Variants in RAB43 observed in about 807,000 individuals in gnomAD.
The protein encoded by RAB43 is RAB43, member RAS oncogene family, also known as ras-related protein Rab-43.
Under a neutral mutation model 18.8 loss-of-function variants are expected in RAB43, and 6 were observed. The observed-to-expected ratio is 0.32, with a 90% confidence interval of 0.17 to 0.63. RAB43 has a LOEUF of 0.63. Among genes scored for constraint, RAB43 ranks in the 30% least tolerant of loss-of-function variants. The probability of loss-of-function intolerance (pLI) is 0.79; values close to 1 mark genes in which losing one functional copy is unlikely to be tolerated. For synonymous variants in RAB43, 103 were observed against 124.1 expected (o/e 0.83, Z 1.13); for missense variants, 195 against 289.1 (o/e 0.67, Z 2.36).
intron 1 of RAB43, among the ~76,000 whole-genome samples, chr3:129,108,243 C>T (rs1934913974): frequency 6.6e-6 from 1 of 152,196 alleles, no homozygotes; most frequent in Non-Finnish European, 1.5e-5. Context: ...CTCCACAGAA[C>T]TCAGCACACC....
intron 1 of RAB43, among the ~76,000 whole-genome samples, chr3:129,100,566 A>G (rs1934352566): frequency 6.6e-6 from 1 of 152,200 alleles, no homozygotes; most frequent in Non-Finnish European, 1.5e-5. Flanking sequence ...TAAATGAAAA[A>G]CCAACAAAAT....
chr3:129,108,083 C>T (rs997461418), intron 1 of RAB43, among the ~76,000 whole-genome samples: 5 of 152,244 alleles, frequency 3.3e-5, no homozygotes, highest in African/African-American at 1.2e-4. Context: ...CTCCTCCCTC[C>T]CAGGGCCACA....
intron 1 of RAB43, among the ~76,000 whole-genome samples, chr3:129,102,482 T>C (rs1452881466): frequency 6.6e-6 from 1 of 151,624 alleles, no homozygotes; most frequent in East Asian, 1.9e-4. Flanking sequence ...TACAAAAAAT[T>C]AGCTGGGCGT....
intron 1 of RAB43, among the ~76,000 whole-genome samples, chr3:129,096,122 T>C (rs1934035093): frequency 6.6e-6 from 1 of 152,214 alleles, no homozygotes; most frequent in Non-Finnish European, 1.5e-5. Context: ...TCAGCCCCCT[T>C]TGCAGGCACA....
rs763902716 is a variant in RAB43, at chr3:129,121,454, G to C, written c.36C>G (p.Asp12Glu). 9.3e-6 allele frequency: 15 copies of C among 1,612,726 alleles called. No individual in the cohort carries two copies. Among genetic ancestry groups the C allele is most frequent in the Non-Finnish European group, 1.2e-5 (14 of 1,179,482 alleles). ...AGPGPGPGDPDEQYDFLFKLV... is the reference protein window; with the variant it reads ...AGPGPGPGDPEEQYDFLFKLV... Reference sequence around the variant, plus strand: ...GCTTGAACAGGAAATCGTACTGCTCGTCCGGGTCCCCCGGGCCTGGGCCCG... The same window carrying C: ...GCTTGAACAGGAAATCGTACTGCTCCTCCGGGTCCCCCGGGCCTGGGCCCG... The change falls in exon 1 of 3, where the codon GAC becomes GAG. Residue 12 changes from aspartate to glutamate, a missense_variant. Physicochemically the swap from Asp to Glu is conservative, Grantham distance 45 (BLOSUM62 2). Transcript: ENST00000315150.
chr3:129,117,946 A>G (rs184836462), intron 1 of RAB43, among the ~76,000 whole-genome samples: 16 of 152,338 alleles, frequency 1.1e-4, no homozygotes, highest in Admixed American at 9.8e-4. Flanking sequence ...CTTACCTTCT[A>G]TAGGGGCAGA....
At chr3:129,103,923 T>C (rs1934589142) in intron 1 of RAB43, among the ~76,000 whole-genome samples, 1 of 152,176 alleles carries the variant, frequency 6.6e-6, no homozygotes, top group African/African-American at 2.4e-5. Flanking sequence ...TATTTTTCTT[T>C]AGTGCACGTC....
chr3:129,106,689 T>G (rs1317254414), intron 1 of RAB43, among the ~76,000 whole-genome samples: 1 of 152,114 alleles, frequency 6.6e-6, no homozygotes, highest in East Asian at 1.9e-4. Context: ...CTGCAATGCA[T>G]GCAGTCTGGT....
At chr3:129,102,499 G>A (rs529430198) in intron 1 of RAB43, among the ~76,000 whole-genome samples, 3 of 151,886 alleles carry the variant, frequency 2.0e-5, no homozygotes, top group African/African-American at 7.2e-5. Context: ...GCGTGGTGGC[G>A]GTCGCCTGTA....
chr3:129,102,412 C>T (rs1252190968), intron 1 of RAB43, among the ~76,000 whole-genome samples: 1 of 152,018 alleles, frequency 6.6e-6, no homozygotes, highest in Non-Finnish European at 1.5e-5. Context: ...GGGCAGATCA[C>T]GAGGTCAGGA....
intron 1 of RAB43, among the ~76,000 whole-genome samples, chr3:129,096,902 C>G (rs927432256): frequency 5.3e-5 from 8 of 152,152 alleles, no homozygotes; most frequent in Non-Finnish European, 1.2e-4. Flanking sequence ...CACCTGAGAT[C>G]AAGAGTTCGA....
chr3:129,122,136 T>G (rs1002634765), upstream of RAB43: 903 of 56,884 alleles, frequency 0.016, 7 homozygotes, highest in African/African-American at 0.049. Context: ...ACCTCAGCCC[T>G]CCCCGACTCC....
chr3:129,115,965 A>G (rs1166959792), intron 1 of RAB43, among the ~76,000 whole-genome samples: 1 of 152,190 alleles, frequency 6.6e-6, no homozygotes, highest in Non-Finnish European at 1.5e-5. Flanking sequence ...TCCAGCATGT[A>G]CTGTATCACA....
chr3:129,120,647 C>T (rs1935842844), intron 1 of RAB43, among the ~76,000 whole-genome samples: 1 of 152,226 alleles, frequency 6.6e-6, no homozygotes, highest in African/African-American at 2.4e-5. Context: ...CTTCCGGTAT[C>T]TGTGAAGTTT....
rs1439658424 is a variant in RAB43 at position 129,107,625 on chromosome 3, A to G, written c.205-12456T>C. ...TTCAGCAAACATTGACAGCATCCTC[A>G]GAGTCAGGGCTGCAAGTGCCAGTGT... On this transcript the variant is annotated intron_variant, in intron 1 of 2. Transcript: ENST00000315150. The surrounding 1 kb of genome is among the most constrained non-coding windows in gnomAD (Gnocchi z 4.2). Among the ~76,000 whole-genome samples, 1 of 152,168 alleles carries G rather than the reference A, an allele frequency of 6.6e-6. No individual in the cohort carries two copies. The highest frequency in any genetic ancestry group is 1.5e-5 in the Non-Finnish European group (1 of 68,020).
intron 1 of RAB43, among the ~76,000 whole-genome samples, chr3:129,112,513 G>A (rs1431241006): frequency 2.6e-5 from 4 of 152,084 alleles, no homozygotes. Context: ...GATGCAAGGA[G>A]GGGAAATGAC....
At chr3:129,092,046 G>A (rs1002439963) in intron 2 of RAB43, among the ~76,000 whole-genome samples, 6 of 135,704 alleles carry the variant, frequency 4.4e-5, no homozygotes, top group African/African-American at 1.4e-4. Flanking sequence ...CAACAAGAGC[G>A]AAACTCCGTC....
At chr3:129,103,071 T>A (rs1422083980) in intron 1 of RAB43, among the ~76,000 whole-genome samples, 1 of 152,050 alleles carries the variant, frequency 6.6e-6, no homozygotes. Flanking sequence ...GAGCCGACAT[T>A]ATAGAGAAAA....
chr3:129,101,911 G>A (rs1934439211), intron 1 of RAB43, among the ~76,000 whole-genome samples: 2 of 152,172 alleles, frequency 1.3e-5, no homozygotes, highest in South Asian at 4.1e-4. Flanking sequence ...CACTGCTGCA[G>A]CAACCAGCTT....
Sources: allele counts gnomAD v4.1 joint callset (sites outside exome capture counted in the v4.1 genomes callset), GRCh38; gene constraint gnomAD v4.1.1; non-coding constraint Gnocchi (gnomAD v3.1); transcripts MANE v1.5; gene names NCBI Gene and HGNC (gene_info 2026-07-23, HGNC 2026-07-21).